Variants in CCDC68 observed in about 807,000 individuals in gnomAD.
The protein encoded by CCDC68 is coiled-coil domain containing 68.
In CCDC68, 45 loss-of-function variants were observed where a neutral mutation model predicts 47.1. That is an observed-to-expected ratio of 0.96 (90% CI 0.75 to 1.23). The LOEUF is 1.23. Among genes scored for constraint, CCDC68 ranks in the 50% most tolerant of loss-of-function variants. The probability of loss-of-function intolerance (pLI) is 0.00; values close to 1 mark genes in which losing one functional copy is unlikely to be tolerated. For missense variants in CCDC68, 353 were observed against 373.6 expected (o/e 0.94, Z 0.45); for synonymous variants, 131 against 129.5 (o/e 1.01, Z -0.08).
intron 1 of CCDC68, among the ~76,000 whole-genome samples, chr18:54,955,026 A>G (rs899675740): frequency 3.3e-5 from 5 of 152,214 alleles, no homozygotes; most frequent in African/African-American, 1.2e-4. Context: ...TTGCCAATAA[A>G]ATAGACTTCA....
At position 54,902,573 on chromosome 18, in the gene CCDC68, G is replaced by A. The variant is rs1461402653; in HGVS notation, c.*1785C>T. ...AAACAGATTTTTAGCAGGGAAGTTT[G>A]TCTGAACTGAGTTCTCACAATGGTA... On this transcript the variant is annotated 3_prime_UTR_variant, in exon 12 of 12. Coordinates refer to ENST00000591504, the MANE Select transcript of CCDC68 (RefSeq NM_025214.3). 3.3e-5 allele frequency: 5 copies of A among 152,198 alleles called. No homozygotes were observed. The highest frequency in any genetic ancestry group is 7.3e-5 in the Non-Finnish European group (5 of 68,030). The allele number at this position is 152,198 out of a possible 1,614,324, so 9.4% of individuals were successfully genotyped here. A position where few individuals can be genotyped will look rare whatever the true frequency, so the allele number is the denominator to read the frequency against.
chr18:54,946,078 A>G (rs1009710350), intron 1 of CCDC68, among the ~76,000 whole-genome samples: 3 of 152,260 alleles, frequency 2.0e-5, no homozygotes, highest in African/African-American at 7.2e-5. Context: ...TGAAAATTAT[A>G]TGAATTTCAA....
chr18:54,938,037 C>A lies in CCDC68; in HGVS notation c.265G>T (p.Asp89Tyr), dbSNP rs4294894. The A allele has an allele frequency of 3.7e-6, 6 of 1,613,804 alleles. No homozygotes were observed. The African/African-American group carries it at 8.0e-5, about 22-fold the overall frequency. ...SEMDPSCCSL[D>Y]LLMKKIKGKD... Reference sequence around the variant, plus strand: ...CCTTTTATCTTTTTCATAAGCAAATCCAAACTGCAACAAGAAGGATCCATT... The same window carrying A: ...CCTTTTATCTTTTTCATAAGCAAATACAAACTGCAACAAGAAGGATCCATT... The change falls in exon 5 of 12, where the codon GAT (aspartate) becomes TAT (tyrosine). Residue 89 changes from aspartate (D) to tyrosine (Y), a missense_variant. By Grantham distance (160) the Asp-to-Tyr change is radical. Transcript: ENST00000591504.
rs778856065 is a variant in CCDC68, at chr18:54,937,974, C to T, written c.328G>A (p.Glu110Lys). Residue 110 changes from glutamate (E) to lysine (K), a missense_variant, in exon 5 of 12, where the codon GAA (glutamate) becomes AAA (lysine). By Grantham distance (56) the Glu-to-Lys change is moderately conservative. Coordinates refer to ENST00000591504, the MANE Select transcript of CCDC68 (RefSeq NM_025214.3). ...AGTCATACCTTGATTTTCAATACTT[C>T]ATTCTCTTTGTTCATTTCTAAGAGC... ...LQLLEMNKEN[E>K]VLKIKLQASR... 3.1e-6 allele frequency: 5 copies of T among 1,610,770 alleles called. No individual in the cohort carries two copies. Among genetic ancestry groups the T allele is most frequent in the Non-Finnish European group, 4.2e-6 (5 of 1,178,910 alleles).
At position 54,940,949 on chromosome 18, in the gene CCDC68, T is replaced by A. The variant is rs762552742; in HGVS notation, c.204+48A>T. 11 of 1,391,948 alleles carry A rather than the reference T, an allele frequency of 7.9e-6. No individual in the cohort carries two copies. The African/African-American group carries it at 1.4e-4, about 18-fold the overall frequency. The allele number at this position is 1,391,948 out of a possible 1,614,324, so 86.2% of individuals were successfully genotyped here. A position where few individuals can be genotyped will look rare whatever the true frequency, so the allele number is the denominator to read the frequency against. On this transcript the variant is annotated intron_variant, in intron 4 of 11. Coordinates refer to ENST00000591504, the MANE Select transcript of CCDC68 (RefSeq NM_025214.3). ...GTTAGTAATTGCCCAAAAATTACTTTAAAAAGTCTAAATGGCTTTATGCTA... is the reference window on the plus strand; with the variant it reads ...GTTAGTAATTGCCCAAAAATTACTTAAAAAAGTCTAAATGGCTTTATGCTA...
At chr18:54,939,685 T>C (rs2044405298) in intron 4 of CCDC68, among the ~76,000 whole-genome samples, 1 of 152,144 alleles carries the variant, frequency 6.6e-6, no homozygotes. Flanking sequence ...GGGCATTCAG[T>C]CCGCAATTTC....
intron 1 of CCDC68, among the ~76,000 whole-genome samples, chr18:54,949,988 C>T (rs903724749): frequency 5.3e-5 from 8 of 152,230 alleles, no homozygotes; most frequent in Admixed American, 4.6e-4. Flanking sequence ...CCTCATCTCA[C>T]AACCTGATTT....
intron 7 of CCDC68, among the ~76,000 whole-genome samples, chr18:54,929,451 A>G (rs2044205816): frequency 6.6e-6 from 1 of 152,266 alleles, no homozygotes; most frequent in Non-Finnish European, 1.5e-5. Context: ...TCTTTTAAAA[A>G]GATGCCTTAA....
intron 4 of CCDC68, 84 bp from the exon 5 acceptor site, chr18:54,938,181 A>G (rs2044381324): frequency 7.6e-7 from 1 of 1,309,458 alleles, no homozygotes; most frequent in Non-Finnish European, 1.0e-6. Flanking sequence ...TTAGTATTAC[A>G]TATATCAAAG....
At chr18:54,917,770 A>G in intron 10 of CCDC68, 143 bp downstream of exon 10, 2 of 638,656 alleles carry the variant, frequency 3.1e-6, no homozygotes, top group Non-Finnish European at 5.5e-6. Context: ...ACATACTCGT[A>G]GTGTTATACA....
rs1228483553 is a variant in CCDC68, at chr18:54,902,097, A to T, written c.*2261T>A. 1 of 150,134 alleles carries T rather than the reference A, an allele frequency of 6.7e-6. No homozygotes were observed. The highest frequency in any genetic ancestry group is 2.5e-5 in the African/African-American group (1 of 40,466). 9.3% of individuals were successfully genotyped at this position (150,134 alleles called of 1,614,324 possible). A position where few individuals can be genotyped will look rare whatever the true frequency, so the allele number is the denominator to read the frequency against. On this transcript the variant is annotated 3_prime_UTR_variant, in exon 12 of 12. Transcript: ENST00000591504. Reference sequence around the variant, plus strand: ...ATTTCTCCCAAAGTTAGCTTGGCCCACACTCAGGAACGACCAAGGGCAGTT... The same window carrying T: ...ATTTCTCCCAAAGTTAGCTTGGCCCTCACTCAGGAACGACCAAGGGCAGTT...
chr18:54,920,640 T>G (rs1017525230), intron 8 of CCDC68, among the ~76,000 whole-genome samples: 6 of 152,234 alleles, frequency 3.9e-5, no homozygotes, highest in African/African-American at 1.4e-4. Context: ...TAAACCACTA[T>G]GAGATACCAT....
chr18:54,910,846 A>C (rs1156907949), intron 10 of CCDC68, among the ~76,000 whole-genome samples: 1 of 152,184 alleles, frequency 6.6e-6, no homozygotes, highest in East Asian at 1.9e-4. Context: ...CTTTGCTCCG[A>C]GATTGGGGAG....
chr18:54,946,317 A>G (rs1320915548), intron 1 of CCDC68, among the ~76,000 whole-genome samples: 2 of 152,174 alleles, frequency 1.3e-5, no homozygotes, highest in African/African-American at 4.8e-5. Flanking sequence ...TTCCTTATCT[A>G]GCCCTTTACA....
At position 54,945,214 on chromosome 18, in the gene CCDC68, G is replaced by C. The variant is rs141335976; in HGVS notation, c.-13+174C>G. 5.2e-3 allele frequency among the ~76,000 whole-genome samples: 794 copies of C among 152,240 alleles called. 18 individuals carry two copies. Among genetic ancestry groups the C allele is most frequent in the African/African-American group, 0.018 (741 of 41,554 alleles). On this transcript the variant is annotated intron_variant, in intron 2 of 11. Coordinates refer to ENST00000591504, the MANE Select transcript of CCDC68 (RefSeq NM_025214.3). ...GATAACTATTGAAACTGGGTGATGA[G>C]TCTATAGGGTTCATTGTATTCCTCT...
rs149753306 is a variant in CCDC68, at chr18:54,915,988, A to T, written c.873+1925T>A. On this transcript the variant is annotated intron_variant, in intron 10 of 11. Coordinates refer to ENST00000591504, the MANE Select transcript of CCDC68 (RefSeq NM_025214.3). ...TGCTACATGTAATAATATAAGAAAA[A>T]ATATTTTATCAAGTAACATTTGCCA... Among the ~76,000 whole-genome samples the T allele has an allele frequency of 3.7e-3, 563 of 152,212 alleles. 1 individual carries two copies. The highest frequency in any genetic ancestry group is 0.013 in the African/African-American group (543 of 41,520).
At chr18:54,955,007 C>T (rs1234831292) in intron 1 of CCDC68, among the ~76,000 whole-genome samples, 1 of 151,986 alleles carries the variant, frequency 6.6e-6, no homozygotes, top group African/African-American at 2.4e-5. Flanking sequence ...AAATAGTTTG[C>T]ATTCTAAATT....
At chr18:54,937,055 CTA>C in intron 5 of CCDC68, 97 bp from the exon 6 acceptor site, 2 of 1,149,526 alleles carry the variant, frequency 1.7e-6, no homozygotes, top group South Asian at 2.7e-5. Context: ...AAAGGTATAA[CTA>C]TACCATTTAC....
At chr18:54,918,810 G>A (rs867672050) in intron 9 of CCDC68, among the ~76,000 whole-genome samples, 36 of 152,274 alleles carry the variant, frequency 2.4e-4, no homozygotes, top group Middle Eastern at 3.4e-3. Flanking sequence ...CCATCTAGCT[G>A]GCTGTTACCA....
Sources: allele counts gnomAD v4.1 joint callset (sites outside exome capture counted in the v4.1 genomes callset), GRCh38; gene constraint gnomAD v4.1.1; transcripts MANE v1.5; gene names NCBI Gene and HGNC (gene_info 2026-07-23, HGNC 2026-07-21).